Variants in RAP1GAP2 observed in about 807,000 individuals in gnomAD.
The protein encoded by RAP1GAP2 is RAP1 GTPase activating protein 2.
In RAP1GAP2, 27 loss-of-function variants were observed where a neutral mutation model predicts 95.0. That is an observed-to-expected ratio of 0.28 (90% confidence interval 0.21 to 0.39). The LOEUF (loss-of-function observed/expected upper bound fraction) is 0.39, where lower values mean the gene tolerates loss of function less well. RAP1GAP2 is among the 10% of genes least tolerant of loss of function. The pLI is 1.00. For synonymous variants in RAP1GAP2, 373 were observed against 380.9 expected, an observed-to-expected ratio of 0.98 and a Z score of 0.24; for missense variants, 771 against 970.0, an observed-to-expected ratio of 0.79 and a Z score of 2.72.
At chr17:2,770,095 G>A (rs58664063) in intron 1 of RAP1GAP2, among the ~76,000 whole-genome samples, 58,434 of 136,596 alleles carry the variant, frequency 0.43, 12,905 homozygotes, top group East Asian at 0.66. Flanking sequence ...AAAAAAAAAA[G>A]AAGAAGAAAG....
At chr17:2,802,185 A>G (rs2069330269) in intron 2 of RAP1GAP2, among the ~76,000 whole-genome samples, 1 of 152,160 alleles carries the variant, frequency 6.6e-6, no homozygotes, top group African/African-American at 2.4e-5. Flanking sequence ...TTCCCTGCCT[A>G]GTCTCCCTCT....
intron 3 of RAP1GAP2, among the ~76,000 whole-genome samples, chr17:2,931,542 C>G (rs1294851459): frequency 6.6e-6 from 1 of 152,128 alleles, no homozygotes; most frequent in Non-Finnish European, 1.5e-5. Flanking sequence ...CCCCAGCTGG[C>G]AAAAGGGGGT....
intron 8 of RAP1GAP2, among the ~76,000 whole-genome samples, chr17:2,978,495 A>G (rs941530218): frequency 6.6e-6 from 1 of 152,222 alleles, no homozygotes; most frequent in African/African-American, 2.4e-5. Flanking sequence ...GGAAGATTTC[A>G]TCATGCTATT....
At chr17:2,994,444 C>T (rs1306178797) in intron 12 of RAP1GAP2, among the ~76,000 whole-genome samples, 2 of 152,208 alleles carry the variant, frequency 1.3e-5, no homozygotes, top group Admixed American at 1.3e-4. Context: ...TTCTTTCTTG[C>T]CTGTGAGGAG....
chr17:2,863,315 G>C (rs1212228222), intron 2 of RAP1GAP2, among the ~76,000 whole-genome samples: 1 of 152,122 alleles, frequency 6.6e-6, no homozygotes, highest in East Asian at 1.9e-4. Flanking sequence ...TTGAAAAATT[G>C]TCACTTGCTT....
At chr17:2,780,103 T>C (rs534099783) in intron 1 of RAP1GAP2, among the ~76,000 whole-genome samples, 7 of 152,258 alleles carry the variant, frequency 4.6e-5, no homozygotes, top group South Asian at 2.1e-4. Context: ...CAGGCTGGAG[T>C]GCAGTGGCGC....
At chr17:2,809,995 G>A (rs1291993524) in intron 2 of RAP1GAP2, among the ~76,000 whole-genome samples, 1 of 150,832 alleles carries the variant, frequency 6.6e-6, no homozygotes, top group Non-Finnish European at 1.5e-5. Context: ...GCTGTCAGTG[G>A]CCCCTCTGGC....
rs2047171999 is a variant in RAP1GAP2 at position 3,027,767 on chromosome 17, G to T, written c.2107+697G>T. ...TGTAGAATGGATTAGTAGAGAGCAG[G>T]AGCAGAGGGGAGGGATGGAGGGGAG... On this transcript the variant is annotated intron_variant, in intron 22 of 24. Transcript: ENST00000254695. The surrounding 1 kb of genome is among the most constrained non-coding windows in gnomAD (Gnocchi z 5.2). 7.2e-6 allele frequency among the ~76,000 whole-genome samples: 1 copy of T among 139,394 alleles called. No individual in the cohort carries two copies. 91.4% of individuals were successfully genotyped at this position (139,394 alleles called of 152,430 possible).
At chr17:2,951,298 C>T (rs2043916665) in intron 3 of RAP1GAP2, among the ~76,000 whole-genome samples, 1 of 152,242 alleles carries the variant, frequency 6.6e-6, no homozygotes, top group Non-Finnish European at 1.5e-5. Context: ...GTCTCCTCAC[C>T]CCTCTCTATC....
chr17:2,876,130 G>C (rs958576068), intron 2 of RAP1GAP2, among the ~76,000 whole-genome samples: 1 of 151,770 alleles, frequency 6.6e-6, no homozygotes, highest in Non-Finnish European at 1.5e-5. Context: ...GTAGAGACGG[G>C]GTTTCACCGT....
chr17:2,883,987 T>A (rs942391847), intron 2 of RAP1GAP2, among the ~76,000 whole-genome samples: 3 of 152,214 alleles, frequency 2.0e-5, no homozygotes, highest in African/African-American at 7.2e-5. Context: ...CAGTGTGAAC[T>A]GTGGGCTCCT....
At chr17:2,833,211 C>T (rs942725180) in intron 2 of RAP1GAP2, among the ~76,000 whole-genome samples, 2 of 149,138 alleles carry the variant, frequency 1.3e-5, no homozygotes, top group African/African-American at 4.9e-5. Flanking sequence ...GGTGCAATCT[C>T]GGTTCACTGC....
At chr17:2,883,550 C>T (rs972220787) in intron 2 of RAP1GAP2, among the ~76,000 whole-genome samples, 5 of 152,204 alleles carry the variant, frequency 3.3e-5, no homozygotes, top group Admixed American at 6.5e-5. Context: ...TGTCTTTCCT[C>T]TCTCTCTCCC....
At chr17:2,864,688 G>A (rs1160724362) in intron 2 of RAP1GAP2, among the ~76,000 whole-genome samples, 1 of 152,184 alleles carries the variant, frequency 6.6e-6, no homozygotes, top group Admixed American at 6.5e-5. Flanking sequence ...GCGTCCTTTG[G>A]GACTTCTTGG....
chr17:2,943,946 G>A (rs1410249460), intron 3 of RAP1GAP2, among the ~76,000 whole-genome samples: 2 of 151,798 alleles, frequency 1.3e-5, no homozygotes, highest in Non-Finnish European at 2.9e-5. Flanking sequence ...TCAGGAGATC[G>A]AGACCATCCT....
intron 2 of RAP1GAP2, among the ~76,000 whole-genome samples, chr17:2,809,631 T>C (rs1169798198): frequency 1.3e-5 from 2 of 152,186 alleles, no homozygotes; most frequent in Non-Finnish European, 2.9e-5. Context: ...ATGGGAAGAC[T>C]CACGGTCCTG....
upstream of RAP1GAP2, among the ~76,000 whole-genome samples, chr17:2,794,079 C>G (rs886654172): frequency 1.5e-5 from 2 of 133,364 alleles, no homozygotes; most frequent in Non-Finnish European, 3.2e-5. Flanking sequence ...GGTGACAGAG[C>G]GAGACTCTTC....
intron 2 of RAP1GAP2, among the ~76,000 whole-genome samples, chr17:2,852,864 A>T (rs2071923841): frequency 6.6e-6 from 1 of 152,182 alleles, no homozygotes; most frequent in African/African-American, 2.4e-5. Context: ...CCCTTTCCCC[A>T]GGAGCCGGCG....
chr17:2,883,588 T>C (rs2073380574), intron 2 of RAP1GAP2, among the ~76,000 whole-genome samples: 1 of 152,216 alleles, frequency 6.6e-6, no homozygotes, highest in Non-Finnish European at 1.5e-5. Flanking sequence ...GTTTTCTTTT[T>C]TTTTCCTCAC....
Sources: gnomAD v4.1 joint callset for allele counts (sites outside exome capture counted in the v4.1 genomes callset) on GRCh38, gnomAD v4.1.1 for gene constraint, Gnocchi (gnomAD v3.1) non-coding constraint, MANE v1.5 for transcripts, NCBI Gene and HGNC (gene_info 2026-07-23, HGNC 2026-07-21) for gene names.